Variants in GOLM2 observed in about 807,000 individuals in gnomAD.
GOLM2 encodes protein GOLM2.
Under a neutral mutation model 55.9 loss-of-function variants are expected in GOLM2, and 26 were observed. The observed-to-expected ratio is 0.47, with a 90% confidence interval of 0.34 to 0.65. GOLM2 has a LOEUF of 0.65. Ranked by LOEUF, GOLM2 falls within the 30% of genes least tolerant of loss-of-function variation. GOLM2 has a pLI of 0.01. For missense variants in GOLM2, 486 were observed against 531.8 expected (o/e 0.91, Z 0.85); for synonymous variants, 165 against 194.6 (o/e 0.85, Z 1.27).
intron 2 of GOLM2, among the ~76,000 whole-genome samples, chr15:44,324,912 C>G (rs568729001): frequency 6.6e-6 from 1 of 152,134 alleles, no homozygotes; most frequent in Non-Finnish European, 1.5e-5. Context: ...CTCGTGTTAA[C>G]TTACTCTAAG....
intron 6 of GOLM2, among the ~76,000 whole-genome samples, chr15:44,375,422 G>T (rs1243185547): frequency 2.6e-5 from 4 of 152,122 alleles, no homozygotes; most frequent in Non-Finnish European, 4.4e-5. Flanking sequence ...ATTTGTTACA[G>T]GTTTTTTCTT....
chr15:44,408,604 C>T (rs1032688835), intron 9 of GOLM2, among the ~76,000 whole-genome samples: 3 of 152,164 alleles, frequency 2.0e-5, no homozygotes, highest in African/African-American at 7.2e-5. Context: ...TTGTTAAGTA[C>T]GTGAGCTGGG....
intron 6 of GOLM2, among the ~76,000 whole-genome samples, chr15:44,377,805 A>T (rs2079374239): frequency 6.6e-6 from 1 of 152,014 alleles, no homozygotes; most frequent in African/African-American, 2.4e-5. Flanking sequence ...AAATACAAAT[A>T]AAAAAGATTA....
intron 1 of GOLM2, among the ~76,000 whole-genome samples, chr15:44,292,460 TG>T (rs201983546): frequency 1.3e-5 from 2 of 152,232 alleles, no homozygotes; most frequent in East Asian, 3.9e-4. Flanking sequence ...CCTCCCAAAG[TG>T]CTGAGATTAC....
intron 1 of GOLM2, among the ~76,000 whole-genome samples, chr15:44,294,904 A>C (rs2078746010): frequency 6.6e-6 from 1 of 151,770 alleles, no homozygotes; most frequent in Non-Finnish European, 1.5e-5. Flanking sequence ...ACAAAAAAAA[A>C]AAAAGAAACC....
intron 6 of GOLM2, among the ~76,000 whole-genome samples, chr15:44,369,384 CCT>C (rs750434804): frequency 2.0e-5 from 3 of 151,116 alleles, no homozygotes; most frequent in East Asian, 1.9e-4. Context: ...ATCACATCTC[CCT>C]GTTTTAATTT....
At chr15:44,370,728 G>A (rs1269438472) in intron 6 of GOLM2, among the ~76,000 whole-genome samples, 2 of 152,088 alleles carry the variant, frequency 1.3e-5, no homozygotes, top group Non-Finnish European at 2.9e-5. Context: ...TGGTGTGATT[G>A]TAGCTCACTG....
At chr15:44,375,243 A>G (rs1191153170) in intron 6 of GOLM2, among the ~76,000 whole-genome samples, 1 of 151,484 alleles carries the variant, frequency 6.6e-6, no homozygotes, top group Non-Finnish European at 1.5e-5. Flanking sequence ...CTGGTTTCAA[A>G]CTCCTGACCT....
chr15:44,319,414 A>T (rs1468443480), intron 1 of GOLM2, among the ~76,000 whole-genome samples: 1 of 151,786 alleles, frequency 6.6e-6, no homozygotes, highest in Non-Finnish European at 1.5e-5. Context: ...TAGAGATGAG[A>T]TCTCACTGTG....
intron 6 of GOLM2, among the ~76,000 whole-genome samples, chr15:44,338,765 T>C (rs749711742): frequency 1.3e-5 from 2 of 152,200 alleles, no homozygotes; most frequent in Non-Finnish European, 2.9e-5. Flanking sequence ...TTTAGTGAAT[T>C]ACCCCACACT....
intron 6 of GOLM2, among the ~76,000 whole-genome samples, chr15:44,359,145 G>T (rs138688847): frequency 0.011 from 1,726 of 151,636 alleles, 42 homozygotes; most frequent in African/African-American, 0.04. Flanking sequence ...GCGAGACTCT[G>T]TCTCAAAAAA....
intron 6 of GOLM2, among the ~76,000 whole-genome samples, chr15:44,376,035 G>A (rs753053405): frequency 1.1e-4 from 17 of 152,082 alleles, no homozygotes; most frequent in Admixed American, 8.5e-4. Flanking sequence ...TCAGGAGTTC[G>A]AGACCAGTCT....
intron 8 of GOLM2, among the ~76,000 whole-genome samples, chr15:44,394,481 T>C (rs2079511730): frequency 6.6e-6 from 1 of 152,242 alleles, no homozygotes; most frequent in South Asian, 2.1e-4. Flanking sequence ...TCATTTCCTT[T>C]ATTTCTCTTT....
At chr15:44,311,460 T>C (rs1296078822) in intron 1 of GOLM2, among the ~76,000 whole-genome samples, 7 of 152,052 alleles carry the variant, frequency 4.6e-5, no homozygotes, top group Non-Finnish European at 7.4e-5. Context: ...CTGAAAAAGA[T>C]TGCTTTTCTT....
At chr15:44,376,869 G>T (rs557254560) in intron 6 of GOLM2, among the ~76,000 whole-genome samples, 1 of 151,942 alleles carries the variant, frequency 6.6e-6, no homozygotes, top group Non-Finnish European at 1.5e-5. Context: ...TCTATCCTAG[G>T]TATAAATAAA....
At chr15:44,404,949 T>C (rs115829602) in intron 9 of GOLM2, among the ~76,000 whole-genome samples, 4,593 of 152,320 alleles carry the variant, frequency 0.03, 248 homozygotes, top group African/African-American at 0.1. Flanking sequence ...TTTCATCTCA[T>C]TGGATAATTT....
intron 8 of GOLM2, among the ~76,000 whole-genome samples, chr15:44,399,766 G>A (rs1053072230): frequency 5.3e-5 from 8 of 152,164 alleles, no homozygotes; most frequent in East Asian, 1.9e-4. Flanking sequence ...AGGCCGAGGC[G>A]GGCGGATCAC....
intron 6 of GOLM2, among the ~76,000 whole-genome samples, chr15:44,367,775 C>T (rs1467817935): frequency 4.1e-5 from 6 of 147,606 alleles, no homozygotes; most frequent in East Asian, 2.0e-4. Context: ...AGCCTGGCGA[C>T]GGAGACTCTG....
At chr15:44,338,342 C>A (rs375011232) in intron 6 of GOLM2, 25 bp downstream of exon 6, 4 of 1,543,942 alleles carry the variant, frequency 2.6e-6, no homozygotes, top group Non-Finnish European at 3.6e-6. Flanking sequence ...TTAGAGAATT[C>A]GACTAAAGTG....
Sources: allele counts gnomAD v4.1 joint callset (sites outside exome capture counted in the v4.1 genomes callset), GRCh38; gene constraint gnomAD v4.1.1; transcripts MANE v1.5; gene names NCBI Gene and HGNC (gene_info 2026-07-23, HGNC 2026-07-21).